The following SLC35E2B variants were observed in gnomAD, a reference collection of about 807,000 sequenced individuals.
The protein encoded by SLC35E2B is solute carrier family 35, member E2B.
In SLC35E2B, 18 loss-of-function variants were observed where a neutral mutation model predicts 32.4. The observed-to-expected ratio is 0.56, with a 90% CI of 0.38 to 0.82. The LOEUF (loss-of-function observed/expected upper bound fraction) is 0.82. Among genes scored for constraint, SLC35E2B ranks in the 40% least tolerant of loss-of-function variants. SLC35E2B has a pLI of 0.00. For missense variants in SLC35E2B, 263 were observed against 469.5 expected, an observed-to-expected ratio of 0.56 and a Z score of 4.06; for synonymous variants, 132 against 209.1, an observed-to-expected ratio of 0.63 and a Z score of 3.18.
At chr1:1,680,035 G>A (rs1167783818) in intron 2 of SLC35E2B, among the ~76,000 whole-genome samples, 1 of 151,950 alleles carries the variant, frequency 6.6e-6, no homozygotes, top group African/African-American at 2.4e-5. Context: ...GCTGAGGCAG[G>A]AGAATCGCTT....
Position 1,664,175 on chromosome 1 carries a change from A to G in SLC35E2B, c.*1607T>C, listed in dbSNP as rs1355655793. On this transcript the variant is annotated 3_prime_UTR_variant, in exon 10 of 10. Transcript: ENST00000617444. ...TCCAGCCTGGGTGACAGACAGAGCA[A>G]GACTGTCTCAAAAAAATAAAAAGGT... is the stretch of plus-strand genomic sequence containing the variant. The G allele has an allele frequency of 6.5e-6, 3 of 462,814 alleles. No homozygotes were observed. The highest frequency in any genetic ancestry group is 6.3e-5 in the African/African-American group (3 of 47,742). The allele number at this position is 462,814 out of a possible 1,614,324, so 28.7% of individuals were successfully genotyped here.
chr1:1,669,945 C>A, intron 7 of SLC35E2B, 153 bp downstream of exon 7: 4 of 849,164 alleles, frequency 4.7e-6, no homozygotes, highest in Non-Finnish European at 7.6e-6. Flanking sequence ...GAGAAACGGG[C>A]GGGTCCCTCC....
At chr1:1,681,647 T>C (rs1368482513) in intron 2 of SLC35E2B, among the ~76,000 whole-genome samples, 2 of 149,590 alleles carry the variant, frequency 1.3e-5, no homozygotes, top group Non-Finnish European at 3.0e-5. Context: ...GCTGGAATTA[T>C]AGGCATGCGC....
chr1:1,679,091 C>T lies in SLC35E2B; in HGVS notation c.-147-2245G>A, dbSNP rs947585850. On this transcript the variant is annotated intron_variant, in intron 2 of 9. Transcript: ENST00000617444. ...TCGAAGGCTGCCCCCTGGCTGGGGA[C>T]GCTGTCACAGCACCCGCTACACAGG... Among the ~76,000 whole-genome samples, 20 of 152,236 alleles carry T rather than the reference C, an allele frequency of 1.3e-4. No individual in the cohort carries two copies. The East Asian group carries it at 3.9e-3, about 29-fold the overall frequency.
rs937530503 is a variant in SLC35E2B at position 1,665,426 on chromosome 1, C to T, written c.*356G>A. On this transcript the variant is annotated 3_prime_UTR_variant, in exon 10 of 10. Coordinates refer to ENST00000617444, the MANE Select transcript of SLC35E2B (RefSeq NM_001290264.2). ...GGGCTCTCTTGGCTGTGGCAGGGAG[C>T]GGCTCTCGTTGGCACTGGACCCACC... is the stretch of plus-strand genomic sequence containing the variant. 14 of 467,380 alleles carry T rather than the reference C, an allele frequency of 3.0e-5. No homozygotes were observed. In the South Asian group the frequency reaches 3.8e-4, roughly 13 times the overall value. The allele number at this position is 467,380 out of a possible 1,614,324, so 29.0% of individuals were successfully genotyped here.
At chr1:1,677,414 T>C (rs1050517392) in intron 2 of SLC35E2B, among the ~76,000 whole-genome samples, 4 of 151,466 alleles carry the variant, frequency 2.6e-5, no homozygotes, top group African/African-American at 9.7e-5. Context: ...CTGCACCTTC[T>C]CGATGGGCTT....
intron 5 of SLC35E2B, among the ~76,000 whole-genome samples, chr1:1,674,549 C>A (rs547328736): frequency 6.6e-6 from 1 of 150,396 alleles, no homozygotes. Context: ...CCTGGGAGGC[C>A]GAGGTTGCAG....
chr1:1,668,609 G>A (rs2101093654), intron 8 of SLC35E2B, 137 bp from the exon 9 acceptor site: 10 of 1,530,852 alleles, frequency 6.5e-6, no homozygotes, highest in South Asian at 4.7e-5. Context: ...AAAATGCCTC[G>A]AGCGGACAGC....
At chr1:1,684,392 T>A (rs1557765092) in intron 2 of SLC35E2B, among the ~76,000 whole-genome samples, 1 of 152,244 alleles carries the variant, frequency 6.6e-6, no homozygotes, top group East Asian at 1.9e-4. Context: ...CCCACCATCA[T>A]AAAGTCAGAA....
rs537732583 is a variant in SLC35E2B at position 1,678,323 on chromosome 1, C to A, written c.-147-1477G>T. On this transcript the variant is annotated intron_variant, in intron 2 of 9. Coordinates refer to ENST00000617444, the MANE Select transcript of SLC35E2B (RefSeq NM_001290264.2). ...CGCCTGGGTGCTCAGGCCGGCCTCT[C>A]CCCCAGCTCACCTGCCCAGCAGTGC... 8.5e-5 allele frequency among the ~76,000 whole-genome samples: 13 copies of A among 152,236 alleles called. 1 individual carries two copies. Among genetic ancestry groups the A allele is most frequent in the Non-Finnish European group, 1.5e-4 (10 of 68,012 alleles).
intron 6 of SLC35E2B, 96 bp from the exon 7 acceptor site, chr1:1,670,247 A>T (rs1570316261): frequency 2.2e-6 from 2 of 899,712 alleles, no homozygotes; most frequent in East Asian, 5.3e-5. Flanking sequence ...CGATGGCGAC[A>T]ATGACCAGAC....
At chr1:1,673,723 G>C (rs917141070) in intron 5 of SLC35E2B, among the ~76,000 whole-genome samples, 3 of 151,808 alleles carry the variant, frequency 2.0e-5, no homozygotes, top group African/African-American at 7.3e-5. Flanking sequence ...AGCACTTTGG[G>C]AGGCTGAGGC....
intron 2 of SLC35E2B, among the ~76,000 whole-genome samples, chr1:1,682,695 C>G (rs927756078): frequency 6.6e-6 from 1 of 152,092 alleles, no homozygotes. Flanking sequence ...TGCTGGAACC[C>G]AGCTGAGCAG....
chr1:1,688,640 C>T (rs1379145613), intron 2 of SLC35E2B, among the ~76,000 whole-genome samples: 1 of 150,926 alleles, frequency 6.6e-6, no homozygotes, highest in African/African-American at 2.5e-5. Flanking sequence ...TATGTAGTCT[C>T]GAGATAGATC....
intron 2 of SLC35E2B, among the ~76,000 whole-genome samples, chr1:1,677,355 T>TG (rs1643862536): frequency 6.6e-6 from 1 of 151,390 alleles, no homozygotes; most frequent in Non-Finnish European, 1.5e-5. Context: ...CACTTGACTG[T>TG]CGTCCTGGCA....
In SLC35E2B at chr1:1,692,769, G is replaced by A. The variant is rs1570354486; in HGVS notation, c.-886C>T. 3.0e-6 allele frequency: 3 copies of A among 984,284 alleles called. No homozygotes were observed. The East Asian group carries it at 3.4e-4, about 112-fold the overall frequency. 61.0% of individuals were successfully genotyped at this position (984,284 alleles called of 1,614,324 possible). A position where few individuals can be genotyped will look rare whatever the true frequency, so the allele number is the denominator to read the frequency against. On this transcript the variant is annotated 5_prime_UTR_variant, in exon 1 of 10. Transcript: ENST00000617444. ...CGCGGCCCACAACGCCCCCGCGGCT[G>A]CCCGTTGGTTCCGCCCGGGCCGTTC...
At chr1:1,671,463 A>G in intron 6 of SLC35E2B, 46 bp downstream of exon 6, 2 of 1,377,590 alleles carry the variant, frequency 1.5e-6, no homozygotes, top group Non-Finnish European at 1.9e-6. Flanking sequence ...GATGCAGGTG[A>G]GCACCGGGTC....
chr1:1,688,957 G>C (rs1051367851), intron 2 of SLC35E2B, among the ~76,000 whole-genome samples: 44 of 151,848 alleles, frequency 2.9e-4, no homozygotes, highest in Non-Finnish European at 3.8e-4. Flanking sequence ...GCATCACGAG[G>C]TCAGGAGATT....
intron 7 of SLC35E2B, 40 bp from the exon 8 acceptor site, chr1:1,669,776 C>T (rs1643637989): frequency 5.2e-6 from 8 of 1,544,936 alleles, no homozygotes; most frequent in Non-Finnish European, 4.4e-6. Context: ...CGTGTCGGGA[C>T]AGGCCGAGTT....
Sources: allele counts gnomAD v4.1 joint callset (sites outside exome capture counted in the v4.1 genomes callset), GRCh38; gene constraint gnomAD v4.1.1; transcripts MANE v1.5; gene names NCBI Gene and HGNC (gene_info 2026-07-23, HGNC 2026-07-21).